The following ST7L variants were observed in gnomAD, a reference collection of about 807,000 sequenced individuals.
The protein encoded by ST7L is suppressor of tumorigenicity 7 protein-like.
In ST7L, 57 loss-of-function variants were observed where a neutral mutation model predicts 72.5. The ratio of observed to expected loss-of-function variants is 0.79; its 90% CI spans 0.64 to 0.98. The LOEUF is 0.98. ST7L is among the 50% of genes least tolerant of loss of function. The probability of loss-of-function intolerance (pLI) is 0.00; values close to 1 mark genes in which losing one functional copy is unlikely to be tolerated. For synonymous variants in ST7L, 221 were observed against 240.9 expected (o/e 0.92, Z 0.77); for missense variants, 576 against 672.2 (o/e 0.86, Z 1.58).
chr1:112,619,103 C>G lies in ST7L; in HGVS notation c.11G>C (p.Arg4Pro), dbSNP rs115158465. 1.2e-6 allele frequency: 2 copies of G among 1,613,308 alleles called. No homozygotes were observed. Among genetic ancestry groups the G allele is most frequent in the African/African-American group, 2.7e-5 (2 of 74,922 alleles). Residue 4 changes from arginine to proline, a missense_variant, in exon 1 of 15, where the codon CGT (arginine) becomes CCT (proline). Around this residue, in one of 3 missense-constraint regions of ST7L, gnomAD observed 56 missense variants for 45.8 expected, o/e 1.22. Coordinates refer to ENST00000358039, the MANE Select transcript of ST7L (RefSeq NM_017744.5). ...AGCTGCGGCTTCACCCACGCCGCCA[C>G]GGTCCGCCATCTTGCCGCTATCGCA... MADRGGVGEAAAVG... is the reference protein window; with the variant it reads MADPGGVGEAAAVG...
At chr1:112,576,367 T>A (rs192178623) in intron 11 of ST7L, among the ~76,000 whole-genome samples, 1 of 152,146 alleles carries the variant, frequency 6.6e-6, no homozygotes, top group Non-Finnish European at 1.5e-5. Context: ...GTTGAGATTA[T>A]AGGCATGAGC....
intron 9 of ST7L, among the ~76,000 whole-genome samples, chr1:112,579,332 C>T (rs1330000646): frequency 6.8e-6 from 1 of 146,368 alleles, no homozygotes; most frequent in Non-Finnish European, 1.5e-5. Context: ...TGCAGTGAGC[C>T]GAGATTGTGC....
chr1:112,599,127 T>TACACACACAC (rs71084480), intron 4 of ST7L, among the ~76,000 whole-genome samples: 10 of 103,846 alleles, frequency 9.6e-5, no homozygotes, highest in African/African-American at 3.0e-4. Flanking sequence ...TGTGTGTGTA[T>TACACACACAC]ACACACACAC....
chr1:112,591,282 G>A (rs562947931), intron 6 of ST7L, among the ~76,000 whole-genome samples: 1 of 152,180 alleles, frequency 6.6e-6, no homozygotes, highest in African/African-American at 2.4e-5. Flanking sequence ...TTCTCCATGA[G>A]CATTCTCCAT....
chr1:112,592,663 T>A (rs1665882391), intron 5 of ST7L, among the ~76,000 whole-genome samples: 1 of 152,216 alleles, frequency 6.6e-6, no homozygotes, highest in South Asian at 2.1e-4. Context: ...ATGAGTTATA[T>A]GATATTTACA....
At chr1:112,554,179 T>G (rs1658717700) in intron 12 of ST7L, among the ~76,000 whole-genome samples, 1 of 151,650 alleles carries the variant, frequency 6.6e-6, no homozygotes, top group South Asian at 2.1e-4. Context: ...TTTTTACTGA[T>G]AGCTGTGGTG....
intron 13 of ST7L, among the ~76,000 whole-genome samples, chr1:112,546,615 A>T (rs1242441442): frequency 1.3e-5 from 2 of 152,200 alleles, no homozygotes; most frequent in African/African-American, 4.8e-5. Flanking sequence ...AGAGAGATAT[A>T]CAAATAACTG....
intron 14 of ST7L, among the ~76,000 whole-genome samples, chr1:112,533,690 C>G (rs1317506293): frequency 6.6e-6 from 1 of 152,088 alleles, no homozygotes; most frequent in Non-Finnish European, 1.5e-5. Flanking sequence ...AGGTCTTGCT[C>G]TGTGTCCCAG....
At chr1:112,546,423 G>T (rs760190987) in intron 13 of ST7L, among the ~76,000 whole-genome samples, 32 of 152,084 alleles carry the variant, frequency 2.1e-4, no homozygotes, top group Admixed American at 7.9e-4. Flanking sequence ...GGCTGTAGGG[G>T]CCTCAAGTTT....
At chr1:112,595,308 T>C (rs780300860) in intron 5 of ST7L, among the ~76,000 whole-genome samples, 3 of 131,750 alleles carry the variant, frequency 2.3e-5, no homozygotes, top group South Asian at 2.3e-4. Context: ...GAGGTTGTGG[T>C]GAGCCGAGAT....
chr1:112,579,626 G>T (rs532363937), intron 9 of ST7L, among the ~76,000 whole-genome samples: 1 of 151,868 alleles, frequency 6.6e-6, no homozygotes, highest in African/African-American at 2.4e-5. Context: ...AATTTCATCT[G>T]GAACTGTAGG....
At chr1:112,541,883 G>T in intron 14 of ST7L, 68 bp downstream of exon 14, 1 of 1,583,708 alleles carries the variant, frequency 6.3e-7, no homozygotes, top group Admixed American at 1.8e-5. Flanking sequence ...GGTTAGCACA[G>T]GCAGATCAGA....
intron 3 of ST7L, among the ~76,000 whole-genome samples, chr1:112,601,347 G>A (rs1482487242): frequency 3.3e-5 from 5 of 152,106 alleles, no homozygotes; most frequent in African/African-American, 7.2e-5. Flanking sequence ...CCGGGTTCAC[G>A]CCATTCTCCA....
At chr1:112,597,582 C>T (rs766724301) in intron 5 of ST7L, among the ~76,000 whole-genome samples, 1 of 152,312 alleles carries the variant, frequency 6.6e-6, no homozygotes, top group Admixed American at 6.5e-5. Flanking sequence ...TAACTCACGA[C>T]TAAAACAAAA....
intron 3 of ST7L, among the ~76,000 whole-genome samples, chr1:112,608,887 T>G (rs1054098712): frequency 6.6e-6 from 1 of 152,214 alleles, no homozygotes; most frequent in African/African-American, 2.4e-5. Flanking sequence ...CCAGTTGCAC[T>G]CAGGCAGTAT....
chr1:112,613,608 A>G (rs1669399492), intron 2 of ST7L, among the ~76,000 whole-genome samples: 2 of 152,238 alleles, frequency 1.3e-5, no homozygotes, highest in Non-Finnish European at 2.9e-5. Context: ...ATAAAAACCC[A>G]TCAACATTGC....
At chr1:112,538,627 G>A (rs1655595853) in intron 14 of ST7L, among the ~76,000 whole-genome samples, 2 of 152,170 alleles carry the variant, frequency 1.3e-5, no homozygotes, top group East Asian at 1.9e-4. Context: ...TTACAAGCAC[G>A]AGAGCCATTG....
At chr1:112,603,079 T>C (rs2102063117) in intron 3 of ST7L, among the ~76,000 whole-genome samples, 1 of 152,248 alleles carries the variant, frequency 6.6e-6, no homozygotes, top group African/African-American at 2.4e-5. Flanking sequence ...ATGAAAGTAT[T>C]TGCTGCCAGT....
At chr1:112,567,749 A>G (rs936817073) in intron 11 of ST7L, among the ~76,000 whole-genome samples, 4 of 152,168 alleles carry the variant, frequency 2.6e-5, no homozygotes, top group African/African-American at 7.2e-5. Context: ...TCAAAAATCA[A>G]TTGACAGTAT....
Sources: gnomAD v4.1 joint callset for allele counts (sites outside exome capture counted in the v4.1 genomes callset) on GRCh38, gnomAD v4.1.1 for gene constraint, gnomAD v4.1.1 regional missense constraint, MANE v1.5 for transcripts, NCBI Gene and HGNC (gene_info 2026-07-23, HGNC 2026-07-21) for gene names.